Variants in ARID5B observed in about 807,000 individuals in gnomAD.
The protein encoded by ARID5B is AT-rich interaction domain 5B, also known as AT-rich interactive domain-containing protein 5B.
ARID5B carries 13 observed loss-of-function variants against 97.2 expected under a neutral mutation model. That is an observed-to-expected ratio of 0.13 (90% confidence interval 0.09 to 0.21). The LOEUF (loss-of-function observed/expected upper bound fraction) is 0.21. Among genes scored for constraint, ARID5B ranks in the 10% least tolerant of loss-of-function variants. The pLI is 1.00. For synonymous variants in ARID5B, 556 were observed against 570.3 expected (o/e 0.97, Z 0.36); for missense variants, 1,210 against 1,465.3 (o/e 0.83, Z 2.84).
At position 62,000,876 on chromosome 10, in the gene ARID5B, A is replaced by T. The variant is rs967654339; in HGVS notation, c.733+555A>T. 7.1e-6 allele frequency among the ~76,000 whole-genome samples: 1 copy of T among 140,122 alleles called. No homozygotes were observed. 91.9% of individuals were successfully genotyped at this position (140,122 alleles called of 152,430 possible). ...AGATAGATAGATAGATAGATAGATG[A>T]TAGGTGATAGATATCCATGTCCTGA... On this transcript the variant is annotated intron_variant, in intron 4 of 9. Transcript: ENST00000279873. This position sits in a 1 kb window ranked among gnomAD's most constrained non-coding sequence, Gnocchi z 4.4.
At chr10:61,965,772 A>C (rs139159053) in intron 3 of ARID5B, among the ~76,000 whole-genome samples, 13 of 152,348 alleles carry the variant, frequency 8.5e-5, no homozygotes, top group African/African-American at 3.1e-4. Context: ...GAGTAGTAAC[A>C]TAAAGGCAAC....
At chr10:61,902,790 C>G (rs190237286) in intron 2 of ARID5B, among the ~76,000 whole-genome samples, 3 of 150,796 alleles carry the variant, frequency 2.0e-5, no homozygotes, top group Non-Finnish European at 4.4e-5. Context: ...GAAAATTTAC[C>G]TTCGTGTCTG....
chr10:61,903,479 A>T (rs1037688421), intron 2 of ARID5B, among the ~76,000 whole-genome samples: 1 of 151,878 alleles, frequency 6.6e-6, no homozygotes, highest in Non-Finnish European at 1.5e-5. Flanking sequence ...ACCGAGGGGA[A>T]CTATTTTGGG....
intron 7 of ARID5B, among the ~76,000 whole-genome samples, chr10:62,062,497 A>G (rs1839933539): frequency 6.6e-6 from 1 of 152,170 alleles, no homozygotes; most frequent in Admixed American, 6.5e-5. Context: ...TAACAGTGAT[A>G]AGTAACACTT....
At chr10:61,984,463 T>C (rs1458903336) in intron 3 of ARID5B, among the ~76,000 whole-genome samples, 1 of 152,240 alleles carries the variant, frequency 6.6e-6, no homozygotes, top group East Asian at 1.9e-4. Flanking sequence ...GCTGCTTGCA[T>C]GGTCTCTTTC....
intron 3 of ARID5B, among the ~76,000 whole-genome samples, chr10:61,952,897 A>G (rs1200345237): frequency 6.6e-6 from 1 of 152,108 alleles, no homozygotes; most frequent in Admixed American, 6.5e-5. Flanking sequence ...ATAGTGGTAC[A>G]TATTAATGCC....
intron 2 of ARID5B, among the ~76,000 whole-genome samples, chr10:61,931,179 C>A (rs1371634877): frequency 6.6e-6 from 1 of 152,184 alleles, no homozygotes; most frequent in Non-Finnish European, 1.5e-5. Flanking sequence ...TTACACTCAA[C>A]TTATTGAGGG....
chr10:61,918,125 T>C (rs1351418474), intron 2 of ARID5B, among the ~76,000 whole-genome samples: 1 of 152,228 alleles, frequency 6.6e-6, no homozygotes, highest in Non-Finnish European at 1.5e-5. Context: ...GAGGCCAGAC[T>C]GCAGGGGAGC....
chr10:61,957,439 T>G (rs990538366), intron 3 of ARID5B, among the ~76,000 whole-genome samples: 1 of 152,194 alleles, frequency 6.6e-6, no homozygotes, highest in Non-Finnish European at 1.5e-5. Flanking sequence ...TGGCTGATTT[T>G]TGTATATTTA....
chr10:61,909,684 T>C (rs1843770376), intron 2 of ARID5B, among the ~76,000 whole-genome samples: 1 of 152,164 alleles, frequency 6.6e-6, no homozygotes, highest in South Asian at 2.1e-4. Context: ...TTGCACACAG[T>C]CTACCTTTTT....
chr10:62,091,325 A>G lies in ARID5B; in HGVS notation c.1862A>G (p.Asp621Gly), dbSNP rs1840368574. The G allele has an allele frequency of 1.9e-6, 3 of 1,614,206 alleles. No homozygotes were observed. The highest frequency in any genetic ancestry group is 2.2e-5 in the East Asian group (1 of 44,882). The stretch of plus-strand genomic sequence containing the variant: ...GATGACAAACTGCCCGCCATGGCAG[A>G]TTACATTGCCAACTGCACCGTGAAG... ...TEDDKLPAMA[D>G]YIANCTVKVD... Residue 621 changes from aspartate to glycine, a missense_variant, in exon 10 of 10, where the codon GAT becomes GGT. Asp to Gly is a moderately conservative substitution (Grantham distance 94, BLOSUM62 -1). Coordinates refer to ENST00000279873, the MANE Select transcript of ARID5B (RefSeq NM_032199.3).
chr10:61,965,534 C>T lies in ARID5B; in HGVS notation c.502+25126C>T, dbSNP rs183370779. 1.6e-3 allele frequency among the ~76,000 whole-genome samples: 240 copies of T among 152,136 alleles called. 9 individuals carry two copies. The highest frequency in any genetic ancestry group is 0.016 in the Admixed American group (239 of 15,274). ...TCTGTCATGTAGATGAGTTAGTATT[C>T]GGTACATTACTACCACAGTATAGTT... is the stretch of plus-strand genomic sequence containing the variant. On this transcript the variant is annotated intron_variant, in intron 3 of 9. Transcript: ENST00000279873.
At chr10:61,919,846 A>T (rs931201641) in intron 2 of ARID5B, among the ~76,000 whole-genome samples, 4 of 151,572 alleles carry the variant, frequency 2.6e-5, no homozygotes, top group African/African-American at 7.3e-5. Flanking sequence ...AAAAGACTGA[A>T]GTTTTTTTTT....
chr10:61,947,726 C>T (rs1589230595), intron 3 of ARID5B, among the ~76,000 whole-genome samples: 1 of 152,216 alleles, frequency 6.6e-6, no homozygotes, highest in South Asian at 2.1e-4. Context: ...AAAAGTGGCT[C>T]AAATAAGTAA....
chr10:62,009,415 C>A (rs553184502), intron 4 of ARID5B, among the ~76,000 whole-genome samples: 12 of 152,282 alleles, frequency 7.9e-5, no homozygotes, highest in Admixed American at 7.8e-4. Flanking sequence ...GCTCTCTAGA[C>A]AACTGAAAAA....
At chr10:62,029,605 A>G (rs2132902798) in intron 4 of ARID5B, among the ~76,000 whole-genome samples, 1 of 152,354 alleles carries the variant, frequency 6.6e-6, no homozygotes, top group East Asian at 1.9e-4. Flanking sequence ...ACAGATGAGG[A>G]AACTGGTTGT....
At chr10:61,930,201 G>A (rs939034767) in intron 2 of ARID5B, among the ~76,000 whole-genome samples, 1 of 152,236 alleles carries the variant, frequency 6.6e-6, no homozygotes, top group African/African-American at 2.4e-5. Flanking sequence ...ATGGAATGAG[G>A]AAGAAGAGAA....
At chr10:61,903,323 G>GCCGCGCTCC (rs1250894741) in intron 2 of ARID5B, among the ~76,000 whole-genome samples, 1 of 152,024 alleles carries the variant, frequency 6.6e-6, no homozygotes, top group Non-Finnish European at 1.5e-5. Flanking sequence ...GGGGGCGCTC[G>GCCGCGCTCC]CCGCGCTCCC....
chr10:61,957,262 G>A (rs188030297), intron 3 of ARID5B, among the ~76,000 whole-genome samples: 5 of 152,114 alleles, frequency 3.3e-5, no homozygotes, highest in African/African-American at 1.2e-4. Context: ...TAACTTTATT[G>A]TCTTGTTTTT....
Sources: gnomAD v4.1 joint callset for allele counts (sites outside exome capture counted in the v4.1 genomes callset) on GRCh38, gnomAD v4.1.1 for gene constraint, Gnocchi (gnomAD v3.1) non-coding constraint, MANE v1.5 for transcripts, NCBI Gene and HGNC (gene_info 2026-07-23, HGNC 2026-07-21) for gene names.